The following TNR variants were observed in gnomAD, a reference collection of about 807,000 sequenced individuals.
The protein encoded by TNR is tenascin-R.
In TNR, 45 loss-of-function variants were observed where a neutral mutation model predicts 150.4. That is an observed-to-expected ratio of 0.30 (90% CI 0.24 to 0.38). The LOEUF (loss-of-function observed/expected upper bound fraction) is 0.38, where lower values mean the gene tolerates loss of function less well. Among genes scored for constraint, TNR ranks in the 10% least tolerant of loss-of-function variants. TNR has a pLI of 1.00. For synonymous variants in TNR, 687 were observed against 678.4 expected (o/e 1.01, Z -0.20); for missense variants, 1,544 against 1,759.1 (o/e 0.88, Z 2.19).
In TNR at chr1:175,450,474, C is replaced by T. The variant is rs528338357; in HGVS notation, c.-63-43697G>A. 1.8e-4 allele frequency among the ~76,000 whole-genome samples: 27 copies of T among 152,360 alleles called. 1 individual carries two copies. Among genetic ancestry groups the T allele is most frequent in the East Asian group, 1.7e-3 (9 of 5,188 alleles). ...TGATAGCCGAGGACCTCTCCCAGTG[C>T]TGGGTTAAGTTCTCTGCTCTGGGCT... On this transcript the variant is annotated intron_variant, in intron 2 of 22. Transcript: ENST00000367674.
chr1:175,362,560 C>A, intron 14 of TNR, 103 bp downstream of exon 14: 1 of 1,457,458 alleles, frequency 6.9e-7, no homozygotes. Context: ...AGGAGCACCC[C>A]GAAATGGAGC....
intron 1 of TNR, among the ~76,000 whole-genome samples, chr1:175,650,722 C>CTCACTACTAATCCCT (rs1558054575): frequency 1.7e-3 from 1 of 572 alleles, no homozygotes; most frequent in Non-Finnish European, 3.3e-3. Context: ...CTCCCCCTAC[C>CTCACTACTAATCCCT]CCTCCCCGCC....
intron 1 of TNR, among the ~76,000 whole-genome samples, chr1:175,704,277 A>C (rs919630564): frequency 6.6e-6 from 1 of 152,258 alleles, no homozygotes; most frequent in African/African-American, 2.4e-5. Flanking sequence ...GTACCATAAC[A>C]TGTGACAAGA....
chr1:175,361,903 C>G (rs1439551815), intron 14 of TNR, among the ~76,000 whole-genome samples: 2 of 152,160 alleles, frequency 1.3e-5, no homozygotes, highest in African/African-American at 4.8e-5. Context: ...AGCAAAGGAG[C>G]CTTCTCTTCA....
chr1:175,464,052 A>G (rs908825589), intron 2 of TNR, among the ~76,000 whole-genome samples: 1 of 152,280 alleles, frequency 6.6e-6, no homozygotes, highest in Non-Finnish European at 1.5e-5. Context: ...GCTTGTTAAT[A>G]CTGAAGAGTT....
chr1:175,521,596 C>T (rs1659641260), intron 2 of TNR, among the ~76,000 whole-genome samples: 4 of 152,214 alleles, frequency 2.6e-5, no homozygotes, highest in Non-Finnish European at 5.9e-5. Flanking sequence ...CTACCATCAA[C>T]ATCCTCAGAA....
chr1:175,701,909 C>T lies in TNR; in HGVS notation c.-165+41317G>A, dbSNP rs771451605. On this transcript the variant is annotated intron_variant, in intron 1 of 22. Transcript: ENST00000367674. ...GAAGAACCAATTAGAGAACTTAAGC[C>T]GCATCTCCTTTCTCCAGGTTAGAGG... Among the ~76,000 whole-genome samples the T allele has an allele frequency of 1.5e-4, 23 of 152,156 alleles. 1 individual carries two copies. Among genetic ancestry groups the T allele is most frequent in the Non-Finnish European group, 2.8e-4 (19 of 68,022 alleles).
chr1:175,701,091 T>G (rs1666681621), intron 1 of TNR, among the ~76,000 whole-genome samples: 1 of 152,178 alleles, frequency 6.6e-6, no homozygotes. Flanking sequence ...CCTCTCAAAT[T>G]CTCTGTCTTT....
chr1:175,666,196 C>T (rs566288237), intron 1 of TNR, among the ~76,000 whole-genome samples: 2 of 152,146 alleles, frequency 1.3e-5, no homozygotes, highest in Non-Finnish European at 2.9e-5. Flanking sequence ...AGAGGTTGTA[C>T]GACTTGCCCA....
intron 2 of TNR, among the ~76,000 whole-genome samples, chr1:175,525,489 A>G (rs920272999): frequency 6.6e-6 from 1 of 152,210 alleles, no homozygotes; most frequent in African/African-American, 2.4e-5. Flanking sequence ...CTCTAACTGT[A>G]GTTTCTGATC....
chr1:175,386,890 C>T (rs1238896127), intron 7 of TNR, among the ~76,000 whole-genome samples: 1 of 152,226 alleles, frequency 6.6e-6, no homozygotes. Context: ...TCTGGGTAAA[C>T]TTGCTTCTCT....
At chr1:175,355,962 C>T (rs1651305977) in intron 16 of TNR, among the ~76,000 whole-genome samples, 1 of 152,184 alleles carries the variant, frequency 6.6e-6, no homozygotes, top group Non-Finnish European at 1.5e-5. Flanking sequence ...TACGTTTCCA[C>T]ATATTACCTA....
chr1:175,536,857 A>G (rs914798438), intron 1 of TNR, among the ~76,000 whole-genome samples: 1 of 151,968 alleles, frequency 6.6e-6, no homozygotes, highest in Non-Finnish European at 1.5e-5. Flanking sequence ...GCACCCACTA[A>G]CCCCCAATTC....
intron 1 of TNR, among the ~76,000 whole-genome samples, chr1:175,698,823 A>T (rs1026100471): frequency 5.5e-5 from 8 of 145,498 alleles, no homozygotes; most frequent in African/African-American, 2.2e-4. Context: ...CTCTGTCTCA[A>T]AAAAAAAAAG....
intron 1 of TNR, among the ~76,000 whole-genome samples, chr1:175,535,892 C>G (rs1214374269): frequency 6.6e-6 from 1 of 152,130 alleles, no homozygotes; most frequent in African/African-American, 2.4e-5. Context: ...AATTTAGCAG[C>G]TCCTCTAATT....
chr1:175,554,782 T>C (rs1000765434), intron 1 of TNR, among the ~76,000 whole-genome samples: 1 of 152,222 alleles, frequency 6.6e-6, no homozygotes, highest in Non-Finnish European at 1.5e-5. Context: ...AGTTGTTTCT[T>C]CCATTGTGAA....
intron 21 of TNR, among the ~76,000 whole-genome samples, chr1:175,327,437 T>C (rs1338863084): frequency 2.0e-5 from 3 of 152,222 alleles, no homozygotes; most frequent in Admixed American, 6.5e-5. Flanking sequence ...TCAGCCGCTC[T>C]ATGTTCTTCG....
chr1:175,335,691 A>G lies in TNR; in HGVS notation c.3631+20T>C. The G allele has an allele frequency of 6.2e-7, 1 of 1,605,506 alleles. No homozygotes were observed. ...AAAGCCAGAGAAGCACATCAATGGA[A>G]AGCAATAAGGAGGCTTTACCCAGCC... On this transcript the variant is annotated intron_variant, in intron 20 of 22. Transcript: ENST00000367674.
intron 1 of TNR, among the ~76,000 whole-genome samples, chr1:175,726,426 C>T (rs1477996840): frequency 6.6e-6 from 1 of 152,178 alleles, no homozygotes; most frequent in African/African-American, 2.4e-5. Context: ...CAGTTTAGGC[C>T]TGAACCTTAA....
Sources: allele counts gnomAD v4.1 joint callset (sites outside exome capture counted in the v4.1 genomes callset), GRCh38; gene constraint gnomAD v4.1.1; transcripts MANE v1.5; gene names NCBI Gene and HGNC (gene_info 2026-07-23, HGNC 2026-07-21).